Variants in NXPH1 observed in about 807,000 individuals in gnomAD.
NXPH1 encodes neurexophilin-1.
In NXPH1, 5 loss-of-function variants were observed where a neutral mutation model predicts 23.7. The ratio of observed to expected loss-of-function variants is 0.21; its 90% CI spans 0.11 to 0.44. The LOEUF (loss-of-function observed/expected upper bound fraction) is 0.44, where lower values mean the gene tolerates loss of function less well. Ranked by LOEUF, NXPH1 falls within the 20% of genes least tolerant of loss-of-function variation. The pLI is 0.99. For missense variants in NXPH1, 324 were observed against 321.6 expected (o/e 1.01, Z -0.06); for synonymous variants, 144 against 122.2 (o/e 1.18, Z -1.18).
At chr7:8,673,745 T>G (rs549079508) in intron 2 of NXPH1, among the ~76,000 whole-genome samples, 2 of 152,236 alleles carry the variant, frequency 1.3e-5, no homozygotes, top group Admixed American at 6.5e-5. Context: ...AAAGACTAAG[T>G]GTTCAATATT....
rs541524742 is a variant in NXPH1 at position 8,574,343 on chromosome 7, G to C, written c.54+138576G>C. 1.4e-4 allele frequency among the ~76,000 whole-genome samples: 22 copies of C among 151,880 alleles called. No homozygotes were observed. The South Asian group carries it at 1.5e-3, about 10-fold the overall frequency. On this transcript the variant is annotated intron_variant, in intron 2 of 2. Transcript: ENST00000405863. The stretch of plus-strand genomic sequence containing the variant: ...TGCCCAGGCTTGTCTCCAGCTCCTG[G>C]GCTCCAGCGATCCTCCTGCCTCAGC...
intron 2 of NXPH1, among the ~76,000 whole-genome samples, chr7:8,731,850 G>C (rs1780160117): frequency 6.6e-6 from 1 of 152,244 alleles, no homozygotes; most frequent in Non-Finnish European, 1.5e-5. Flanking sequence ...AGGCCTCCTT[G>C]AGCTGTGGTG....
chr7:8,631,209 G>A (rs1820121284), intron 2 of NXPH1, among the ~76,000 whole-genome samples: 1 of 152,052 alleles, frequency 6.6e-6, no homozygotes, highest in African/African-American at 2.4e-5. Flanking sequence ...CCATAGTTTT[G>A]TTATCATGAA....
In NXPH1 at chr7:8,433,747, C is replaced by G. The variant is rs1270172790; in HGVS notation, c.-1119C>G. On this transcript the variant is annotated 5_prime_UTR_variant, in exon 1 of 3. Coordinates refer to ENST00000405863, the MANE Select transcript of NXPH1 (RefSeq NM_152745.3). The surrounding 1 kb of genome is among the most constrained non-coding windows in gnomAD (Gnocchi z 6.8). ...GCCCTGCACCCTCCCGCGCCCTTCC[C>G]CGCCCTACGCGACTCCCGGCTGCTC... Among the ~76,000 whole-genome samples the G allele has an allele frequency of 6.6e-6, 1 of 152,046 alleles. No individual in the cohort carries two copies. The highest frequency in any genetic ancestry group is 2.4e-5 in the African/African-American group (1 of 41,436).
intron 2 of NXPH1, among the ~76,000 whole-genome samples, chr7:8,720,697 T>G (rs149055383): frequency 6.6e-6 from 1 of 152,236 alleles, no homozygotes; most frequent in Admixed American, 6.5e-5. Context: ...TTAAACAGGC[T>G]AAATGACTTA....
chr7:8,613,819 A>G (rs1186120323), intron 2 of NXPH1, among the ~76,000 whole-genome samples: 2 of 151,898 alleles, frequency 1.3e-5, no homozygotes, highest in Non-Finnish European at 2.9e-5. Flanking sequence ...AAAGGAACAT[A>G]TATCTTGGCC....
At chr7:8,704,018 T>G (rs1440924474) in intron 2 of NXPH1, among the ~76,000 whole-genome samples, 3 of 152,098 alleles carry the variant, frequency 2.0e-5, no homozygotes, top group African/African-American at 4.8e-5. Flanking sequence ...AATGAAAAAT[T>G]TTGCTAATTT....
intron 2 of NXPH1, among the ~76,000 whole-genome samples, chr7:8,493,809 T>C (rs773185499): frequency 4.6e-5 from 7 of 152,008 alleles, no homozygotes; most frequent in Non-Finnish European, 8.8e-5. Context: ...GATGCGATAC[T>C]TGTGAGTACA....
chr7:8,490,342 C>A lies in NXPH1; in HGVS notation c.54+54575C>A, dbSNP rs112921572. On this transcript the variant is annotated intron_variant, in intron 2 of 2. Transcript: ENST00000405863. ...TAGACTAACTTAAATCCATGTATTCCAATGTTACAGTAGGAGGTCTGGGGA... is the reference window on the plus strand; with the variant it reads ...TAGACTAACTTAAATCCATGTATTCAAATGTTACAGTAGGAGGTCTGGGGA... Among the ~76,000 whole-genome samples, 713 of 150,796 alleles carry A rather than the reference C, an allele frequency of 4.7e-3. 4 individuals carry two copies. The highest frequency in any genetic ancestry group is 0.016 in the African/African-American group (667 of 41,124).
At chr7:8,680,323 C>G (rs1821031490) in intron 2 of NXPH1, among the ~76,000 whole-genome samples, 1 of 152,162 alleles carries the variant, frequency 6.6e-6, no homozygotes, top group Admixed American at 6.5e-5. Flanking sequence ...ACAGCATATG[C>G]AGAAAGCACA....
chr7:8,580,813 A>C (rs367721040), intron 2 of NXPH1, among the ~76,000 whole-genome samples: 7 of 152,112 alleles, frequency 4.6e-5, no homozygotes, highest in South Asian at 2.1e-4. Flanking sequence ...CAGAGCAATT[A>C]GGGCACCTGC....
chr7:8,494,784 T>C (rs1483614173), intron 2 of NXPH1, among the ~76,000 whole-genome samples: 2 of 152,058 alleles, frequency 1.3e-5, no homozygotes, highest in Admixed American at 1.3e-4. Context: ...AATCTGCATA[T>C]GCATATAGAA....
At chr7:8,670,776 T>A (rs780325130) in intron 2 of NXPH1, among the ~76,000 whole-genome samples, 16 of 152,248 alleles carry the variant, frequency 1.1e-4, no homozygotes, top group Non-Finnish European at 2.4e-4. Flanking sequence ...AGAAGAGTTT[T>A]CTTTTTCTAT....
chr7:8,556,942 A>T (rs116819075), intron 2 of NXPH1, among the ~76,000 whole-genome samples: 1,560 of 151,854 alleles, frequency 0.01, 21 homozygotes, highest in Middle Eastern at 0.037. Flanking sequence ...ATGAAGAAAC[A>T]GATACGATGA....
At chr7:8,720,947 G>GA (rs1462860029) in intron 2 of NXPH1, among the ~76,000 whole-genome samples, 3 of 152,136 alleles carry the variant, frequency 2.0e-5, no homozygotes, top group African/African-American at 7.2e-5. Context: ...AAATAGAAGG[G>GA]AAATAAGCTG....
At chr7:8,656,882 T>C (rs887832584) in intron 2 of NXPH1, among the ~76,000 whole-genome samples, 1 of 152,216 alleles carries the variant, frequency 6.6e-6, no homozygotes, top group African/African-American at 2.4e-5. Flanking sequence ...AACTGAGGAT[T>C]GTCTTACTCA....
chr7:8,580,460 C>A (rs1165635501), intron 2 of NXPH1, among the ~76,000 whole-genome samples: 1 of 152,158 alleles, frequency 6.6e-6, no homozygotes, highest in African/African-American at 2.4e-5. Context: ...CAAGAAGAAG[C>A]TATTACTCTG....
intron 2 of NXPH1, among the ~76,000 whole-genome samples, chr7:8,520,809 G>A (rs1444847685): frequency 6.6e-6 from 1 of 152,026 alleles, no homozygotes; most frequent in African/African-American, 2.4e-5. Flanking sequence ...ATTTCATGCC[G>A]GGTTTTGTCA....
In NXPH1 at chr7:8,751,334, C is replaced by T; in HGVS notation, c.381C>T (p.Asn127=). The change falls in exon 3 of 3, where the codon AAC becomes AAT. Residue 127 remains asparagine, a synonymous_variant. Transcript: ENST00000405863. The surrounding 1 kb of genome is among the most constrained non-coding windows in gnomAD (Gnocchi z 4.5). ...TTGGATGGGGCGATTTTCATTCCAA[C>T]ATCAAAACAGTGAAGCTGAACCTGT... ...KMFGWGDFHS[N]IKTVKLNLLI... The T allele has an allele frequency of 6.2e-7, 1 of 1,613,914 alleles. No homozygotes were observed. Among genetic ancestry groups the T allele is most frequent in the Non-Finnish European group, 8.5e-7 (1 of 1,179,860 alleles).
Sources: gnomAD v4.1 joint callset for allele counts (sites outside exome capture counted in the v4.1 genomes callset) on GRCh38, gnomAD v4.1.1 for gene constraint, Gnocchi (gnomAD v3.1) non-coding constraint, MANE v1.5 for transcripts, NCBI Gene and HGNC (gene_info 2026-07-23, HGNC 2026-07-21) for gene names.